EFL1: variants seen among roughly 807,000 people sequenced by gnomAD.
EFL1 encodes elongation factor-like GTPase 1.
A neutral mutation model predicts 126.7 loss-of-function variants in EFL1; 76 were observed. The observed-to-expected ratio is 0.60, with a 90% CI of 0.50 to 0.73. The LOEUF (loss-of-function observed/expected upper bound fraction) is 0.73, where lower values mean the gene tolerates loss of function less well. Among genes scored for constraint, EFL1 ranks in the 30% least tolerant of loss-of-function variants. EFL1 has a pLI of 0.00. For missense variants in EFL1, 1,128 were observed against 1,343.2 expected (o/e 0.84, Z 2.50); for synonymous variants, 410 against 448.4 (o/e 0.91, Z 1.08).
chr15:82,197,042 A>AG (rs1247355993), intron 15 of EFL1, among the ~76,000 whole-genome samples: 1 of 152,122 alleles, frequency 6.6e-6, no homozygotes, highest in Non-Finnish European at 1.5e-5. Flanking sequence ...AAAAAAAAAA[A>AG]AAAAAAATTG....
intron 4 of EFL1, 37 bp from the exon 5 acceptor site, chr15:82,241,440 C>T (rs1596004997): frequency 6.3e-7 from 1 of 1,596,814 alleles, no homozygotes; most frequent in South Asian, 1.1e-5. Context: ...TTTCAGTTGT[C>T]CAGGTACACA....
Position 82,247,740 on chromosome 15 carries a change from A to G in EFL1, c.244+4951T>C, listed in dbSNP as rs146155639. 7.1e-3 allele frequency among the ~76,000 whole-genome samples: 1,088 copies of G among 152,210 alleles called. 15 individuals are homozygous for G. Among genetic ancestry groups the G allele is most frequent in the Middle Eastern group, 0.034 (10 of 294 alleles). On this transcript the variant is annotated intron_variant, in intron 4 of 19. Coordinates refer to ENST00000268206, the MANE Select transcript of EFL1 (RefSeq NM_024580.6). Reference sequence around the variant, plus strand: ...TTTGTTTCTCTTGGAATGTTTTCACAGTAAGTTTTGGTAAGGAAGGGAATA... The same window carrying G: ...TTTGTTTCTCTTGGAATGTTTTCACGGTAAGTTTTGGTAAGGAAGGGAATA...
chr15:82,159,254 T>C (rs913457793), intron 16 of EFL1, among the ~76,000 whole-genome samples: 2 of 152,224 alleles, frequency 1.3e-5, no homozygotes, highest in South Asian at 2.1e-4. Context: ...TGCAAAGATA[T>C]CACTGATAAT....
At chr15:82,177,164 T>C (rs2074203529) in intron 15 of EFL1, among the ~76,000 whole-genome samples, 1 of 152,240 alleles carries the variant, frequency 6.6e-6, no homozygotes, top group South Asian at 2.1e-4. Context: ...GTTCAGTTTA[T>C]GAAAATTCAT....
chr15:82,207,826 G>C (rs1398373853), intron 15 of EFL1, among the ~76,000 whole-genome samples: 5 of 151,986 alleles, frequency 3.3e-5, no homozygotes, highest in Admixed American at 1.3e-4. Flanking sequence ...GGGTTCAAGG[G>C]ATTCTCCTGC....
intron 15 of EFL1, among the ~76,000 whole-genome samples, chr15:82,207,818 G>C (rs1474582252): frequency 3.3e-5 from 5 of 151,752 alleles, no homozygotes; most frequent in Non-Finnish European, 5.9e-5. Context: ...CCTCCCCCGG[G>C]TTCAAGGGAT....
chr15:82,187,989 C>A (rs1396578574), intron 15 of EFL1, among the ~76,000 whole-genome samples: 2 of 152,036 alleles, frequency 1.3e-5, no homozygotes, highest in Non-Finnish European at 2.9e-5. Context: ...TTCAGTGCTA[C>A]CTTACTTGGG....
intron 15 of EFL1, among the ~76,000 whole-genome samples, chr15:82,197,019 A>T (rs1361825583): frequency 6.6e-6 from 1 of 151,972 alleles, no homozygotes; most frequent in Non-Finnish European, 1.5e-5. Flanking sequence ...GCGACAGAGC[A>T]AAACTCCAAC....
chr15:82,131,182 C>T (rs1236861495), intron 19 of EFL1, among the ~76,000 whole-genome samples: 2 of 152,168 alleles, frequency 1.3e-5, no homozygotes, highest in Non-Finnish European at 2.9e-5. Context: ...TAAAAGCTTT[C>T]ATTTTTGCTA....
intron 15 of EFL1, among the ~76,000 whole-genome samples, chr15:82,171,366 G>C (rs2074133593): frequency 6.6e-6 from 1 of 152,238 alleles, no homozygotes; most frequent in South Asian, 2.1e-4. Context: ...CGGTCTGTTA[G>C]ACAACAGATC....
intron 15 of EFL1, among the ~76,000 whole-genome samples, chr15:82,213,059 C>CTTTT (rs2074606444): frequency 6.6e-6 from 1 of 152,192 alleles, no homozygotes; most frequent in Non-Finnish European, 1.5e-5. Context: ...ACTGTCCACC[C>CTTTT]TTGGGCTTTC....
intron 15 of EFL1, among the ~76,000 whole-genome samples, chr15:82,205,451 C>T (rs1485203048): frequency 6.6e-6 from 1 of 151,960 alleles, no homozygotes; most frequent in East Asian, 1.9e-4. Flanking sequence ...TATTATTGAC[C>T]ATTTAAGTTT....
Position 82,238,312 on chromosome 15 carries a change from G to A in EFL1, c.726C>T (p.Gly242=), listed in dbSNP as rs560750267. 5.0e-6 allele frequency: 8 copies of A among 1,613,940 alleles called. No individual in the cohort carries two copies. The African/African-American group carries it at 8.0e-5, about 16-fold the overall frequency. The change falls in exon 7 of 20, where the codon GGC becomes GGT. Residue 242 remains glycine (G), a synonymous_variant. Transcript: ENST00000268206. ...TCAGATGCAAACAGACTTACCCAAA[G>A]CCCCACCCATCTATTGCACTGGTAA... is the stretch of plus-strand genomic sequence containing the variant. ...VVFTSAIDGW[G]FGIEHFARIY...
intron 15 of EFL1, among the ~76,000 whole-genome samples, chr15:82,197,157 T>C (rs2074417140): frequency 6.6e-6 from 1 of 152,126 alleles, no homozygotes. Context: ...TTTTAGAAAA[T>C]TGAAGGCTTG....
intron 15 of EFL1, chr15:82,174,231 G>C (rs2074169050): frequency 6.6e-6 from 1 of 151,976 alleles, no homozygotes; most frequent in Non-Finnish European, 1.5e-5. Context: ...GAGAAGGGGA[G>C]AGCACGAACA....
chr15:82,164,701 T>A (rs890651073), intron 15 of EFL1, among the ~76,000 whole-genome samples: 44 of 151,538 alleles, frequency 2.9e-4, no homozygotes, highest in Admixed American at 1.2e-3. Context: ...ATCGAGACTA[T>A]CCTGGCTAAC....
chr15:82,181,159 A>G (rs1478102829), intron 15 of EFL1, among the ~76,000 whole-genome samples: 1 of 152,166 alleles, frequency 6.6e-6, no homozygotes. Flanking sequence ...GGGTCTTATG[A>G]GTCTATTAGC....
chr15:82,241,416 T>C lies in EFL1; in HGVS notation c.245-13A>G, dbSNP rs1376062175. 4 of 1,610,058 alleles carry C rather than the reference T, an allele frequency of 2.5e-6. No individual in the cohort carries two copies. Among genetic ancestry groups the C allele is most frequent in the Admixed American group, 1.7e-5 (1 of 59,724 alleles). ...TACTCCTCATTACCTAAAATACAAT[T>C]TGTAAACACACATTTTCAGTTGTCC... is the stretch of plus-strand genomic sequence containing the variant. On this transcript the variant is annotated splice_polypyrimidine_tract_variant and intron_variant, in intron 4 of 19. Coordinates refer to ENST00000268206, the MANE Select transcript of EFL1 (RefSeq NM_024580.6).
At chr15:82,210,511 T>C (rs2074572564) in intron 15 of EFL1, among the ~76,000 whole-genome samples, 1 of 151,928 alleles carries the variant, frequency 6.6e-6, no homozygotes, top group Admixed American at 6.6e-5. Flanking sequence ...CCCCGAGACA[T>C]GTGCTTGAAA....
Sources: gnomAD v4.1 joint callset for allele counts (sites outside exome capture counted in the v4.1 genomes callset) on GRCh38, gnomAD v4.1.1 for gene constraint, MANE v1.5 for transcripts, NCBI Gene and HGNC (gene_info 2026-07-23, HGNC 2026-07-21) for gene names.